The following STK26 variants were observed in gnomAD, a reference collection of about 807,000 sequenced individuals.
STK26 encodes serine/threonine-protein kinase 26.
Under a neutral mutation model 34.7 loss-of-function variants are expected in STK26, and 14 were observed. The observed-to-expected ratio is 0.40, with a 90% confidence interval of 0.27 to 0.63. The LOEUF is 0.63. Ranked by LOEUF, STK26 falls within the 30% of genes least tolerant of loss-of-function variation. The pLI is 0.38. For synonymous variants in STK26, 100 were observed against 109.8 expected, an observed-to-expected ratio of 0.91 and a Z score of 0.56; for missense variants, 226 against 309.1, an observed-to-expected ratio of 0.73 and a Z score of 2.02.
At chrX:132,049,445 T>A (rs1926611848) in intron 2 of STK26, among the ~76,000 whole-genome samples, 1 of 112,485 alleles carries the variant, frequency 8.9e-6, no homozygotes, top group Non-Finnish European at 1.9e-5. Flanking sequence ...AGAGAATGAC[T>A]TTTATTTATA....
intron 8 of STK26, among the ~76,000 whole-genome samples, chrX:132,071,945 T>A (rs934354811): frequency 9.0e-6 from 1 of 111,501 alleles, no homozygotes; most frequent in African/African-American, 3.3e-5. Context: ...TAGCTTCCCA[T>A]AAGAGTCACT....
chrX:132,064,203 A>G (rs1172005944), intron 4 of STK26, among the ~76,000 whole-genome samples: 1 of 112,079 alleles, frequency 8.9e-6, no homozygotes, highest in East Asian at 2.8e-4. Context: ...ATTCTGCTAT[A>G]GCACCTGAAT....
At chrX:132,067,991 A>G (rs932991182) in intron 4 of STK26, among the ~76,000 whole-genome samples, 2 of 111,610 alleles carry the variant, frequency 1.8e-5, no homozygotes, top group Non-Finnish European at 3.8e-5. Context: ...ATTATCTTTC[A>G]TTAAATTGAA....
chrX:132,023,906 G>C (rs1234051549), intron 2 of STK26, among the ~76,000 whole-genome samples: 1 of 112,070 alleles, frequency 8.9e-6, no homozygotes, highest in Non-Finnish European at 1.9e-5. Flanking sequence ...AGGGCGGTTG[G>C]GGGTATAAAA....
At chrX:132,058,605 A>G (rs753601795) in intron 3 of STK26, among the ~76,000 whole-genome samples, 1 of 111,407 alleles carries the variant, frequency 9.0e-6, no homozygotes, top group South Asian at 3.8e-4. Context: ...GCACAGTAGT[A>G]TACATGTACT....
chrX:132,063,012 A>G (rs1386461859), intron 3 of STK26, among the ~76,000 whole-genome samples: 1 of 111,474 alleles, frequency 9.0e-6, no homozygotes, highest in Non-Finnish European at 1.9e-5. Context: ...TTATGGGGGT[A>G]CATGAGCTAT....
intron 3 of STK26, among the ~76,000 whole-genome samples, chrX:132,058,797 G>C (rs891719816): frequency 9.0e-6 from 1 of 110,988 alleles, no homozygotes; most frequent in Admixed American, 9.6e-5. Context: ...TAAACTCTAT[G>C]ATATAAAACA....
At chrX:132,025,951 T>G (rs1046524926) in intron 2 of STK26, among the ~76,000 whole-genome samples, 11 of 111,667 alleles carry the variant, frequency 9.9e-5, no homozygotes, top group African/African-American at 3.6e-4. Flanking sequence ...CTTTTAGACC[T>G]TTAGAAAACT....
chrX:132,066,630 C>T lies in STK26; in HGVS notation c.331-1585C>T, dbSNP rs185921578. ...TAGCACCCAGTTAATTGAGATTTCA[C>T]TTTTATTGAATTTTAACATGAACCT... On this transcript the variant is annotated intron_variant, in intron 4 of 11. Transcript: ENST00000394334. Among the ~76,000 whole-genome samples, 167 of 112,361 alleles carry T rather than the reference C, an allele frequency of 1.5e-3. 1 individual carries two copies. Among genetic ancestry groups the T allele is most frequent in the Non-Finnish European group, 2.5e-3 (135 of 53,197 alleles).
intron 6 of STK26, among the ~76,000 whole-genome samples, 199 bp downstream of exon 6, chrX:132,068,768 C>T (rs767284540): frequency 9.0e-6 from 1 of 111,632 alleles, no homozygotes; most frequent in Non-Finnish European, 1.9e-5. Context: ...AATGGCTTTT[C>T]ATCCCACGTG....
rs751876677 is a variant in STK26, at chrX:132,027,917, G to A, written c.42+4258G>A. Reference sequence around the variant, plus strand: ...GTCACCCAGACTGTAGTGCAGTGGCGCGATCACAGCTGACTGCAGCCGCCA... The same window carrying A: ...GTCACCCAGACTGTAGTGCAGTGGCACGATCACAGCTGACTGCAGCCGCCA... On this transcript the variant is annotated intron_variant, in intron 2 of 11. Transcript: ENST00000394334. Among the ~76,000 whole-genome samples the A allele has an allele frequency of 1.4e-4, 15 of 108,037 alleles. No individual in the cohort carries two copies. In the South Asian group the frequency reaches 2.9e-3, roughly 21 times the overall value. The allele number at this position is 108,037 out of a possible 115,157, so 93.8% of individuals were successfully genotyped here.
intron 6 of STK26, among the ~76,000 whole-genome samples, chrX:132,068,938 G>A: frequency 9.1e-6 from 1 of 110,285 alleles, no homozygotes; most frequent in South Asian, 3.9e-4. Context: ...CTGGCCTCAG[G>A]ACCTTTGCAT....
At chrX:132,029,625 T>C (rs146504961) in intron 2 of STK26, among the ~76,000 whole-genome samples, 1,189 of 111,035 alleles carry the variant, frequency 0.011, 17 homozygotes, top group African/African-American at 0.036. Flanking sequence ...CTCCTCTCTG[T>C]AGATCTATAC....
chrX:132,044,255 G>A (rs1926366357), intron 2 of STK26, among the ~76,000 whole-genome samples: 1 of 111,249 alleles, frequency 9.0e-6, no homozygotes, highest in Non-Finnish European at 1.9e-5. Context: ...GAAAGTCATG[G>A]CAATGAAAGA....
chrX:132,023,576 G>C lies in STK26; in HGVS notation c.-42G>C, dbSNP rs1213829793. 4.3e-6 allele frequency: 5 copies of C among 1,166,056 alleles called. No homozygotes were observed. The highest frequency in any genetic ancestry group is 5.7e-6 in the Non-Finnish European group (5 of 872,345). Reference sequence around the variant, plus strand: ...AGGGAGGAGCCAGTCCGAACCCAAGGCGCCACCGCCGCAGAAGCGGAGCGA... The same window carrying C: ...AGGGAGGAGCCAGTCCGAACCCAAGCCGCCACCGCCGCAGAAGCGGAGCGA... On this transcript the variant is annotated 5_prime_UTR_variant, in exon 2 of 12. Coordinates refer to ENST00000394334, the MANE Select transcript of STK26 (RefSeq NM_016542.4).
chrX:132,063,248 A>C (rs1044293964), intron 3 of STK26, among the ~76,000 whole-genome samples, 185 bp from the exon 4 acceptor site: 1 of 111,195 alleles, frequency 9.0e-6, no homozygotes, highest in East Asian at 2.8e-4. Context: ...TATCCTTCCC[A>C]GCATCTGGTA....
Position 132,054,696 on chromosome X carries a change from G to A in STK26, c.108G>A (p.Gly36=). The change falls in exon 3 of 12, where the codon GGG becomes GGA. Residue 36 remains glycine (G), a synonymous_variant. Coordinates refer to ENST00000394334, the MANE Select transcript of STK26 (RefSeq NM_016542.4). ...AGCGCATTGGGAAAGGCTCATTTGGGGAAGTTTTCAAAGGAATTGATAACC... is the reference window on the plus strand; with the variant it reads ...AGCGCATTGGGAAAGGCTCATTTGGAGAAGTTTTCAAAGGAATTGATAACC... ...KLERIGKGSF[G]EVFKGIDNRT... 1 of 1,211,391 alleles carries A rather than the reference G, an allele frequency of 8.3e-7. No individual in the cohort carries two copies. Among genetic ancestry groups the A allele is most frequent in the Non-Finnish European group, 1.1e-6 (1 of 895,354 alleles).
rs1473601790 is a variant in STK26 at position 132,073,985 on chromosome X, T to G, written c.1227-150T>G. 8.9e-6 allele frequency: 4 copies of G among 448,417 alleles called. No individual in the cohort carries two copies. In the Admixed American group the frequency reaches 1.7e-4, roughly 19 times the overall value. 37.0% of individuals were successfully genotyped at this position (448,417 alleles called of 1,213,427 possible). A position where few individuals can be genotyped will look rare whatever the true frequency, so the allele number is the denominator to read the frequency against. Reference sequence around the variant, plus strand: ...CAGATGCAGAAGGGATTTTTTAACTTGTTTATATTTTAACATCTACATGAT... The same window carrying G: ...CAGATGCAGAAGGGATTTTTTAACTGGTTTATATTTTAACATCTACATGAT... On this transcript the variant is annotated intron_variant, in intron 11 of 11. Transcript: ENST00000394334.
intron 6 of STK26, 94 bp from the exon 7 acceptor site, chrX:132,069,384 G>A (rs1165376390): frequency 3.4e-5 from 6 of 177,410 alleles, no homozygotes; most frequent in Non-Finnish European, 5.5e-5. Context: ...TTGGAATGGA[G>A]TTTCAAGGTG....
Sources: gnomAD v4.1 joint callset for allele counts (sites outside exome capture counted in the v4.1 genomes callset) on GRCh38, gnomAD v4.1.1 for gene constraint, MANE v1.5 for transcripts, NCBI Gene and HGNC (gene_info 2026-07-23, HGNC 2026-07-21) for gene names.